Variants in CAMKK1 observed in about 807,000 individuals in gnomAD.
The protein encoded by CAMKK1 is calcium/calmodulin-dependent protein kinase kinase 1.
CAMKK1 carries 20 observed loss-of-function variants against 63.5 expected under a neutral mutation model. The observed-to-expected ratio is 0.32, with a 90% CI of 0.22 to 0.46. CAMKK1 has a LOEUF of 0.46. CAMKK1 is among the 20% of genes least tolerant of loss of function. The pLI is 1.00. For missense variants in CAMKK1, 588 were observed against 658.1 expected (o/e 0.89, Z 1.17); for synonymous variants, 253 against 269.0 (o/e 0.94, Z 0.58).
At chr17:3,877,582 G>C (rs1226181629) in intron 9 of CAMKK1, among the ~76,000 whole-genome samples, 1 of 152,144 alleles carries the variant, frequency 6.6e-6, no homozygotes, top group Non-Finnish European at 1.5e-5. Context: ...AGGGAGGAGA[G>C]AAGGCGAGAG....
intron 9 of CAMKK1, among the ~76,000 whole-genome samples, chr17:3,877,412 C>G (rs1208406449): frequency 2.0e-5 from 3 of 152,136 alleles, no homozygotes; most frequent in Non-Finnish European, 4.4e-5. Flanking sequence ...GGCCCAGCAC[C>G]ACCACGAAGT....
rs200501188 is a variant in CAMKK1, at chr17:3,869,826, G to C, written c.1187C>G (p.Thr396Arg). 1.2e-6 allele frequency: 2 copies of C among 1,614,174 alleles called. No homozygotes were observed. The highest frequency in any genetic ancestry group is 1.7e-6 in the Non-Finnish European group (2 of 1,180,022). ...CTTGATGTCTGGCACCCCAATTCTC[G>C]TCTCGGGATTCTTGTCTAACATCTT... is the stretch of plus-strand genomic sequence containing the variant. The part of the protein sequence containing the change: ...ILKMLDKNPE[T>R]RIGVPDIKLH... Residue 396 changes from threonine (T) to arginine (R), a missense_variant, in exon 13 of 16, where the codon ACG becomes AGG. Thr to Arg is a moderately conservative substitution (Grantham distance 71). Around this residue, in one of 3 missense-constraint regions of CAMKK1, gnomAD observed 226 missense variants for 229.2 expected, o/e 0.99. Transcript: ENST00000348335.
At position 3,883,969 on chromosome 17, in the gene CAMKK1, A is replaced by G. The variant is rs772454104; in HGVS notation, c.409-32T>C. The G allele has an allele frequency of 6.2e-7, 1 of 1,610,132 alleles. No homozygotes were observed. Among genetic ancestry groups the G allele is most frequent in the East Asian group, 2.2e-5 (1 of 44,864 alleles). On this transcript the variant is annotated intron_variant, in intron 3 of 15. Coordinates refer to ENST00000348335, the MANE Select transcript of CAMKK1 (RefSeq NM_032294.3). The surrounding 1 kb of genome is among the most constrained non-coding windows in gnomAD (Gnocchi z 4.7). ...ATAGGCATCAGTCAGCCCCACCTGG[A>G]CAGGGCAACCCCTCCCAGGACCAGC...
At chr17:3,888,687 G>C (rs910056568) in intron 1 of CAMKK1, among the ~76,000 whole-genome samples, 1 of 152,222 alleles carries the variant, frequency 6.6e-6, no homozygotes, top group African/African-American at 2.4e-5. Context: ...GCGCGGGCGG[G>C]CGGAAGGCGG....
intron 1 of CAMKK1, among the ~76,000 whole-genome samples, chr17:3,886,602 A>C (rs2055662467): frequency 2.0e-5 from 3 of 152,128 alleles, no homozygotes; most frequent in Admixed American, 2.0e-4. Context: ...ACTACACTCC[A>C]GCCTGGGTGA....
chr17:3,883,503 G>A lies in CAMKK1; in HGVS notation c.463-23C>T, dbSNP rs369471724. On this transcript the variant is annotated intron_variant, in intron 4 of 15. Transcript: ENST00000348335. The surrounding 1 kb of genome is among the most constrained non-coding windows in gnomAD (Gnocchi z 4.7). ...TGCCTAAGGAAGGAGGGACAGAAAT[G>A]TCACTACTGTGCAGCCACCAGGGGC... is the stretch of plus-strand genomic sequence containing the variant. 51 of 1,601,822 alleles carry A rather than the reference G, an allele frequency of 3.2e-5. No individual in the cohort carries two copies. Among genetic ancestry groups the A allele is most frequent in the Non-Finnish European group, 4.1e-5 (48 of 1,168,998 alleles).
Position 3,885,677 on chromosome 17 carries a change from C to G in CAMKK1, c.11G>C (p.Gly4Ala), listed in dbSNP as rs746626071. ...AGGATCCTGGCAGCAGACAGCTGGA[C>G]CCCCCTCCATTGCTTCAGTCAAGGG... MEG[G>A]PAVCCQDPRA... is the part of the protein sequence containing the mutation. Residue 4 changes from glycine to alanine, a missense_variant, in exon 2 of 16, where the codon GGT becomes GCT. Transcript: ENST00000348335. 6.2e-7 allele frequency: 1 copy of G among 1,612,690 alleles called. No individual in the cohort carries two copies. The highest frequency in any genetic ancestry group is 1.3e-5 in the African/African-American group (1 of 74,932).
At position 3,885,600 on chromosome 17, in the gene CAMKK1, C is replaced by T; in HGVS notation, c.88G>A (p.Glu30Lys). ...GTAGGCTCTGGGCCACCATCTGCCT[C>T]CTCCAAGTGAGTCACATCGATGGCT... ...VAAIDVTHLE[E>K]ADGGPEPTRN... The change falls in exon 2 of 16, where the codon GAG becomes AAG. Residue 30 changes from glutamate (E) to lysine (K), a missense_variant. By Grantham distance (56) the Glu-to-Lys change is moderately conservative. This residue lies in a region of CAMKK1 where 357 missense variants were observed against 407.4 expected (regional missense o/e 0.88). Coordinates refer to ENST00000348335, the MANE Select transcript of CAMKK1 (RefSeq NM_032294.3). The T allele has an allele frequency of 6.2e-7, 1 of 1,614,150 alleles. No homozygotes were observed. Among genetic ancestry groups the T allele is most frequent in the Non-Finnish European group, 8.5e-7 (1 of 1,180,040 alleles).
rs371254645 is a variant in CAMKK1, at chr17:3,865,894, C to T, written c.1445+14G>A. The T allele has an allele frequency of 3.6e-5, 58 of 1,613,934 alleles. No homozygotes were observed. The highest frequency in any genetic ancestry group is 4.7e-5 in the Non-Finnish European group (56 of 1,180,006). On this transcript the variant is annotated intron_variant, in intron 15 of 15. Transcript: ENST00000348335. ...CAGGGAGTGCCCGGCAGTCCCTGGC[C>T]CACCAGTACTTACACCAGTAGGTTT... is the stretch of plus-strand genomic sequence containing the variant.
rs1378417485 is a variant in CAMKK1, at chr17:3,887,210, T to A, written c.-43-1480A>T. On this transcript the variant is annotated intron_variant, in intron 1 of 15. Transcript: ENST00000348335. The surrounding 1 kb of genome is among the most constrained non-coding windows in gnomAD (Gnocchi z 6.1). ...CTCTGAGCCCCAGTCTCCCGACTTG[T>A]CCTGTGGATTCCCTGCCTTCCCATA... Among the ~76,000 whole-genome samples, 1 of 152,116 alleles carries A rather than the reference T, an allele frequency of 6.6e-6. No individual in the cohort carries two copies. Among genetic ancestry groups the A allele is most frequent in the Non-Finnish European group, 1.5e-5 (1 of 68,012 alleles).
intron 9 of CAMKK1, among the ~76,000 whole-genome samples, chr17:3,878,564 G>A (rs922573696): frequency 1.3e-5 from 2 of 152,084 alleles, no homozygotes; most frequent in Non-Finnish European, 2.9e-5. Flanking sequence ...CTAGGCCCTT[G>A]GTAGGGATTT....
rs2054347865 is a variant in CAMKK1 at position 3,862,131 on chromosome 17, G to T, written c.*80C>A. On this transcript the variant is annotated 3_prime_UTR_variant, in exon 16 of 16. Coordinates refer to ENST00000348335, the MANE Select transcript of CAMKK1 (RefSeq NM_032294.3). The surrounding 1 kb of genome is among the most constrained non-coding windows in gnomAD (Gnocchi z 4.1). ...CAGTCCCCAGCCCCCTGCCTGCGGGGGCGGCTGTTGCATGAGGGGTGGGCC... is the reference window on the plus strand; with the variant it reads ...CAGTCCCCAGCCCCCTGCCTGCGGGTGCGGCTGTTGCATGAGGGGTGGGCC... 11 of 1,202,750 alleles carry T rather than the reference G, an allele frequency of 9.1e-6. No homozygotes were observed. In the Middle Eastern group the frequency reaches 1.6e-3, roughly 178 times the overall value. 74.5% of individuals were successfully genotyped at this position (1,202,750 alleles called of 1,614,324 possible).
chr17:3,880,258 G>A (rs1794112547), intron 9 of CAMKK1, 88 bp downstream of exon 9: 2 of 1,106,894 alleles, frequency 1.8e-6, no homozygotes, highest in African/African-American at 1.5e-5. Flanking sequence ...TGACTGACGG[G>A]AGCTGCTCAG....
chr17:3,865,641 G>C, intron 15 of CAMKK1: 9 of 1,333,686 alleles, frequency 6.7e-6, no homozygotes, highest in Non-Finnish European at 7.7e-6. Context: ...CCTGTCCCAT[G>C]GAGGGGCTGC....
At chr17:3,869,037 C>G (rs571705716) in intron 14 of CAMKK1, among the ~76,000 whole-genome samples, 1 of 149,884 alleles carries the variant, frequency 6.7e-6, no homozygotes, top group Non-Finnish European at 1.5e-5. Flanking sequence ...GGCGCGATCT[C>G]GGCTCACGGC....
rs189906500 is a variant in CAMKK1 at position 3,871,557 on chromosome 17, C to T, written c.1124+997G>A. Among the ~76,000 whole-genome samples, 310 of 149,650 alleles carry T rather than the reference C, an allele frequency of 2.1e-3. 1 individual carries two copies. The highest frequency in any genetic ancestry group is 5.8e-3 in the East Asian group (30 of 5,158). On this transcript the variant is annotated intron_variant, in intron 12 of 15. Coordinates refer to ENST00000348335, the MANE Select transcript of CAMKK1 (RefSeq NM_032294.3). ...ATTTTTAGTAGAGATGGGGTTTCAC[C>T]GTGTTAGCCAGGATGGTCTCGATCT...
chr17:3,861,326 C>T lies in CAMKK1; in HGVS notation c.*885G>A, dbSNP rs1330693377. On this transcript the variant is annotated 3_prime_UTR_variant, in exon 16 of 16. Transcript: ENST00000348335. ...CGCAGGGCCACAGGCCTGTCGCGTCCATGGCCCTCGGTCAAAGTCAGCCCT... is the reference window on the plus strand; with the variant it reads ...CGCAGGGCCACAGGCCTGTCGCGTCTATGGCCCTCGGTCAAAGTCAGCCCT... The T allele has an allele frequency of 6.6e-6, 1 of 152,364 alleles. No individual in the cohort carries two copies. Among genetic ancestry groups the T allele is most frequent in the African/African-American group, 2.4e-5 (1 of 41,456 alleles). The allele number at this position is 152,364 out of a possible 1,614,324, so 9.4% of individuals were successfully genotyped here.
chr17:3,862,456 T>C lies in CAMKK1; in HGVS notation c.1446-173A>G, dbSNP rs2054362024. 6.6e-6 allele frequency among the ~76,000 whole-genome samples: 1 copy of C among 152,116 alleles called. No homozygotes were observed. The highest frequency in any genetic ancestry group is 1.5e-5 in the Non-Finnish European group (1 of 68,010). The stretch of plus-strand genomic sequence containing the variant: ...TCCCTACATCACGGCAGTTGCTCCT[T>C]GCCGGTCTCTCAGCCCCCAGTCTCA... On this transcript the variant is annotated intron_variant, in intron 15 of 15. Transcript: ENST00000348335. The surrounding 1 kb of genome is among the most constrained non-coding windows in gnomAD (Gnocchi z 4.1).
chr17:3,881,648 A>T lies in CAMKK1; in HGVS notation c.686T>A (p.Val229Glu). Residue 229 changes from valine to glutamate, a missense_variant and splice_region_variant, in exon 8 of 16, where the codon GTG becomes GAG. Coordinates refer to ENST00000348335, the MANE Select transcript of CAMKK1 (RefSeq NM_032294.3). The part of the protein sequence containing the change: ...DDPAEDNLYL[V>E]FDLLRKGPVM... ...TCACCCCTTTCTCAGGAGGTCAAAC[A>T]CTGAAAGAAAAGACAAGAAGGTAAG... The T allele has an allele frequency of 6.4e-7, 1 of 1,566,670 alleles. No individual in the cohort carries two copies. Among genetic ancestry groups the T allele is most frequent in the South Asian group, 1.2e-5 (1 of 85,276 alleles).
Sources: gnomAD v4.1 joint callset for allele counts (sites outside exome capture counted in the v4.1 genomes callset) on GRCh38, gnomAD v4.1.1 for gene constraint, gnomAD v4.1.1 regional missense constraint, Gnocchi (gnomAD v3.1) non-coding constraint, MANE v1.5 for transcripts, NCBI Gene and HGNC (gene_info 2026-07-23, HGNC 2026-07-21) for gene names.